Variants in PTPN14 observed in about 807,000 individuals in gnomAD.
PTPN14 encodes tyrosine-protein phosphatase non-receptor type 14.
PTPN14 carries 53 observed loss-of-function variants against 126.8 expected under a neutral mutation model. The observed-to-expected ratio is 0.42, with a 90% confidence interval of 0.34 to 0.53. PTPN14 has a LOEUF of 0.53. Among genes scored for constraint, PTPN14 ranks in the 20% least tolerant of loss-of-function variants. The pLI is 0.08. For missense variants in PTPN14, 1,257 were observed against 1,552.9 expected (o/e 0.81, Z 3.20); for synonymous variants, 630 against 599.3 (o/e 1.05, Z -0.75).
intron 8 of PTPN14, among the ~76,000 whole-genome samples, chr1:214,397,224 T>G (rs1246507134): frequency 6.6e-6 from 1 of 152,200 alleles, no homozygotes; most frequent in African/African-American, 2.4e-5. Context: ...TTTGATAGTG[T>G]GCCCTGGATA....
chr1:214,536,762 T>C (rs1362120003), intron 1 of PTPN14, among the ~76,000 whole-genome samples: 1 of 152,158 alleles, frequency 6.6e-6, no homozygotes, highest in Non-Finnish European at 1.5e-5. Context: ...TGAAGGAGTA[T>C]ATAAAATTAC....
chr1:214,495,310 G>A (rs2102423078), intron 1 of PTPN14, among the ~76,000 whole-genome samples: 1 of 152,282 alleles, frequency 6.6e-6, no homozygotes, highest in African/African-American at 2.4e-5. Flanking sequence ...TGTATATAAA[G>A]CACTATCAGA....
chr1:214,413,832 C>A (rs1659363540), intron 4 of PTPN14, among the ~76,000 whole-genome samples: 1 of 152,076 alleles, frequency 6.6e-6, no homozygotes, highest in African/African-American at 2.4e-5. Flanking sequence ...CCATGCTTGG[C>A]TAATTCTTGT....
chr1:214,432,511 T>C (rs1659818723), intron 3 of PTPN14, among the ~76,000 whole-genome samples: 1 of 152,202 alleles, frequency 6.6e-6, no homozygotes, highest in Admixed American at 6.5e-5. Flanking sequence ...GTACTAGAAA[T>C]GTTCACAGCA....
At chr1:214,386,944 A>G in intron 11 of PTPN14, 22 bp from the exon 12 acceptor site, 9 of 1,559,602 alleles carry the variant, frequency 5.8e-6, no homozygotes, top group Non-Finnish European at 7.9e-6. Flanking sequence ...AACACAGAGG[A>G]GGTGGGGAGG....
At chr1:214,485,801 C>A (rs1661097475) in intron 1 of PTPN14, among the ~76,000 whole-genome samples, 1 of 152,038 alleles carries the variant, frequency 6.6e-6, no homozygotes, top group Admixed American at 6.5e-5. Flanking sequence ...TCTCAGCTCA[C>A]TGCAAGCTCC....
intron 1 of PTPN14, among the ~76,000 whole-genome samples, chr1:214,487,190 C>T (rs1372976478): frequency 6.6e-6 from 1 of 152,088 alleles, no homozygotes; most frequent in East Asian, 1.9e-4. Flanking sequence ...ATGGGTAGTT[C>T]ACATATGACT....
intron 1 of PTPN14, among the ~76,000 whole-genome samples, chr1:214,474,966 T>A (rs925917291): frequency 2.0e-5 from 3 of 152,196 alleles, no homozygotes; most frequent in Admixed American, 6.5e-5. Context: ...TCTTGAATAC[T>A]TATGGATAAA....
At chr1:214,523,555 A>G (rs1183652407) in intron 1 of PTPN14, among the ~76,000 whole-genome samples, 2 of 152,166 alleles carry the variant, frequency 1.3e-5, no homozygotes, top group African/African-American at 4.8e-5. Context: ...GTTTGTGTAA[A>G]TATATTCTAT....
At chr1:214,538,071 A>G (rs1047988188) in intron 1 of PTPN14, among the ~76,000 whole-genome samples, 10 of 152,256 alleles carry the variant, frequency 6.6e-5, no homozygotes, top group African/African-American at 2.2e-4. Context: ...AATGCTAAAC[A>G]GCCACATGGG....
intron 1 of PTPN14, among the ~76,000 whole-genome samples, chr1:214,469,582 T>A (rs1660708689): frequency 6.6e-6 from 1 of 152,200 alleles, no homozygotes; most frequent in African/African-American, 2.4e-5. Context: ...GTCACAGGTT[T>A]AGACACTTTA....
chr1:214,544,368 T>A (rs921751613), intron 1 of PTPN14, among the ~76,000 whole-genome samples: 3 of 151,848 alleles, frequency 2.0e-5, no homozygotes, highest in African/African-American at 4.8e-5. Context: ...GAGGTCAAGG[T>A]ACAGTAAGCC....
intron 1 of PTPN14, among the ~76,000 whole-genome samples, chr1:214,548,838 C>A (rs752028702): frequency 1.1e-4 from 16 of 152,110 alleles, no homozygotes; most frequent in Non-Finnish European, 2.4e-4. Flanking sequence ...ATGGTGCTTC[C>A]CTATTAAAAG....
intron 3 of PTPN14, among the ~76,000 whole-genome samples, chr1:214,442,782 GGTT>G (rs1369051019): frequency 6.6e-6 from 1 of 151,744 alleles, no homozygotes; most frequent in Non-Finnish European, 1.5e-5. Context: ...AGTAGCAGTA[GGTT>G]GCCTCAATAG....
At chr1:214,522,000 G>A (rs192419073) in intron 1 of PTPN14, among the ~76,000 whole-genome samples, 116 of 137,308 alleles carry the variant, frequency 8.4e-4, no homozygotes, top group Admixed American at 2.6e-3. Context: ...GCAGTGGCAC[G>A]ATCTCGGCTC....
At chr1:214,475,125 C>T (rs1313479816) in intron 1 of PTPN14, among the ~76,000 whole-genome samples, 2 of 151,974 alleles carry the variant, frequency 1.3e-5, no homozygotes. Flanking sequence ...TTTGTATGTG[C>T]CTAAAATTTC....
At chr1:214,379,212 C>A (rs1394433248) in intron 13 of PTPN14, among the ~76,000 whole-genome samples, 1 of 152,194 alleles carries the variant, frequency 6.6e-6, no homozygotes, top group Non-Finnish European at 1.5e-5. Context: ...TTTGCAGATT[C>A]ATTTGACTGA....
At chr1:214,541,868 C>T (rs1655846010) in intron 1 of PTPN14, among the ~76,000 whole-genome samples, 1 of 152,112 alleles carries the variant, frequency 6.6e-6, no homozygotes, top group African/African-American at 2.4e-5. Flanking sequence ...TTTCTGTTTA[C>T]ATTTTTAAAA....
chr1:214,468,324 G>A (rs996049102), intron 1 of PTPN14, among the ~76,000 whole-genome samples: 1 of 152,184 alleles, frequency 6.6e-6, no homozygotes, highest in Non-Finnish European at 1.5e-5. Context: ...GGGAGGCCAA[G>A]GCCAGTGGAT....
Sources: gnomAD v4.1 joint callset for allele counts (sites outside exome capture counted in the v4.1 genomes callset) on GRCh38, gnomAD v4.1.1 for gene constraint, MANE v1.5 for transcripts, NCBI Gene and HGNC (gene_info 2026-07-23, HGNC 2026-07-21) for gene names.